ATP13A4: variants seen among roughly 807,000 people sequenced by gnomAD.
The protein encoded by ATP13A4 is ATPase 13A4, also known as probable cation-transporting ATPase 13A4.
ATP13A4 carries 114 observed loss-of-function variants against 142.5 expected under a neutral mutation model. That is an observed-to-expected ratio of 0.80 (90% CI 0.69 to 0.93). ATP13A4 has a LOEUF of 0.93. ATP13A4 is among the 40% of genes least tolerant of loss of function. ATP13A4 has a pLI of 0.00. For missense variants in ATP13A4, 1,392 were observed against 1,454.0 expected, an observed-to-expected ratio of 0.96 and a Z score of 0.69; for synonymous variants, 488 against 514.8, an observed-to-expected ratio of 0.95 and a Z score of 0.70.
At chr3:193,464,790 A>G (rs1173562129) in intron 12 of ATP13A4, 150 bp downstream of exon 12, 3 of 856,834 alleles carry the variant, frequency 3.5e-6, no homozygotes, top group Admixed American at 2.0e-5. Flanking sequence ...CAAGAGACAT[A>G]TCTTTCCCAG....
intron 25 of ATP13A4, among the ~76,000 whole-genome samples, chr3:193,431,241 A>T (rs765165361): frequency 2.0e-5 from 3 of 152,102 alleles, no homozygotes; most frequent in Non-Finnish European, 4.4e-5. Flanking sequence ...AGTAGCACAA[A>T]CTAGGGACTC....
At chr3:193,541,798 A>T (rs558240824) in intron 1 of ATP13A4, among the ~76,000 whole-genome samples, 1 of 152,160 alleles carries the variant, frequency 6.6e-6, no homozygotes, top group Non-Finnish European at 1.5e-5. Flanking sequence ...TAAATTTAAA[A>T]AGCAAAAATG....
At chr3:193,428,008 A>G (rs1715761159) in intron 25 of ATP13A4, among the ~76,000 whole-genome samples, 1 of 152,228 alleles carries the variant, frequency 6.6e-6, no homozygotes. Flanking sequence ...CAGGCAACCT[A>G]TACAATGGGA....
intron 23 of ATP13A4, among the ~76,000 whole-genome samples, chr3:193,437,103 C>CAAAAAAAAAA (rs1190025956): frequency 5.6e-4 from 35 of 62,828 alleles, no homozygotes; most frequent in African/African-American, 2.4e-3. Context: ...GACTCCGTCT[C>CAAAAAAAAAA]AAAAAAAAAA....
At chr3:193,493,512 T>C (rs1455535088) in intron 3 of ATP13A4, among the ~76,000 whole-genome samples, 1 of 151,708 alleles carries the variant, frequency 6.6e-6, no homozygotes, top group African/African-American at 2.4e-5. Context: ...CATAATAACA[T>C]AAAAAATACG....
rs528524423 is a variant in ATP13A4, at chr3:193,437,192, T to C, written c.2672+1283A>G. ...TGACATTTCCTCTGCCCAGAGGTAG[T>C]TTCTCCTTATTGCTTAGAGAGGTTC... is the stretch of plus-strand genomic sequence containing the variant. On this transcript the variant is annotated intron_variant, in intron 23 of 29. Coordinates refer to ENST00000342695, the MANE Select transcript of ATP13A4 (RefSeq NM_032279.4). 2.0e-5 allele frequency among the ~76,000 whole-genome samples: 3 copies of C among 149,930 alleles called. No homozygotes were observed. The East Asian group carries it at 5.9e-4, about 30-fold the overall frequency.
chr3:193,572,301 T>C (rs1724284401), intron 2 of ATP13A4, among the ~76,000 whole-genome samples: 1 of 152,186 alleles, frequency 6.6e-6, no homozygotes, highest in South Asian at 2.1e-4. Flanking sequence ...CTCTATCCTA[T>C]CTTCATAATT....
In ATP13A4 at chr3:193,493,153, C is replaced by T; in HGVS notation, c.389G>A (p.Cys130Tyr). 1 of 1,612,472 alleles carries T rather than the reference C, an allele frequency of 6.2e-7. No homozygotes were observed. ...AIRKPDLKVR[C>Y]IKVQKIRYVW... The stretch of plus-strand genomic sequence containing the variant: ...ATATCTTATTTTCTGCACTTTGATG[C>T]ATCTCACCTGCAAAAGAAAAGTACT... The change falls in exon 4 of 30, where the codon TGC becomes TAC. Residue 130 changes from cysteine to tyrosine, a missense_variant. Cys to Tyr is a radical substitution (Grantham distance 194). Coordinates refer to ENST00000342695, the MANE Select transcript of ATP13A4 (RefSeq NM_032279.4).
chr3:193,428,583 C>G (rs914067621), intron 25 of ATP13A4, among the ~76,000 whole-genome samples: 16 of 151,954 alleles, frequency 1.1e-4, no homozygotes, highest in African/African-American at 3.9e-4. Context: ...AAATGTGGCA[C>G]ATATATACCA....
At position 193,467,342 on chromosome 3, in the gene ATP13A4, G is replaced by A; in HGVS notation, c.1088C>T (p.Thr363Ile). 1.2e-6 allele frequency: 2 copies of A among 1,614,192 alleles called. No homozygotes were observed. Among genetic ancestry groups the A allele is most frequent in the Non-Finnish European group, 8.5e-7 (1 of 1,180,042 alleles). The change falls in exon 10 of 30, where the codon ACC becomes ATC. Residue 363 changes from threonine (T) to isoleucine (I), a missense_variant. By Grantham distance (89) the Thr-to-Ile change is moderately conservative. Coordinates refer to ENST00000342695, the MANE Select transcript of ATP13A4 (RefSeq NM_032279.4). ...AGTCTGCAGTACCACGGCTCTCACG[G>A]TCCCAGAGCAAGCTGCCTTGGCCTG... ...VIQAKAACSGTVRAVVLQTGF... is the reference protein window; with the variant it reads ...VIQAKAACSGIVRAVVLQTGF...
rs144465366 is a variant in ATP13A4, at chr3:193,548,584, T to G, written c.60+6156A>C. ...CCCACTATGAGATCTGTGGGTTCACTAGTTAACATTGGCAACTGACTCAGA... is the reference window on the plus strand; with the variant it reads ...CCCACTATGAGATCTGTGGGTTCACGAGTTAACATTGGCAACTGACTCAGA... On this transcript the variant is annotated intron_variant, in intron 1 of 29. Coordinates refer to ENST00000342695, the MANE Select transcript of ATP13A4 (RefSeq NM_032279.4). Among the ~76,000 whole-genome samples the G allele has an allele frequency of 3.3e-5, 5 of 152,340 alleles. No individual in the cohort carries two copies. The East Asian group carries it at 9.6e-4, about 29-fold the overall frequency.
At chr3:193,490,103 T>C (rs1221002948) in intron 6 of ATP13A4, among the ~76,000 whole-genome samples, 1 of 152,176 alleles carries the variant, frequency 6.6e-6, no homozygotes, top group Non-Finnish European at 1.5e-5. Context: ...TCCTTTGTAA[T>C]GATAAAGAAA....
At chr3:193,580,218 T>C (rs1724509025) in intron 2 of ATP13A4, among the ~76,000 whole-genome samples, 1 of 152,112 alleles carries the variant, frequency 6.6e-6, no homozygotes, top group Non-Finnish European at 1.5e-5. Context: ...CTACTGAAAG[T>C]GGATTAATTT....
chr3:193,483,557 C>T (rs926321007), intron 8 of ATP13A4, among the ~76,000 whole-genome samples: 8 of 152,078 alleles, frequency 5.3e-5, no homozygotes, highest in South Asian at 2.1e-4. Context: ...CTCCGCCTCC[C>T]GGGTTCATGC....
intron 12 of ATP13A4, among the ~76,000 whole-genome samples, chr3:193,464,402 C>T (rs1017457074): frequency 2.1e-4 from 32 of 152,108 alleles, no homozygotes; most frequent in Admixed American, 1.4e-3. Context: ...CGGTAGAATA[C>T]GAGGCTGGTT....
At chr3:193,552,093 C>T (rs971848186) in intron 1 of ATP13A4, among the ~76,000 whole-genome samples, 6 of 152,188 alleles carry the variant, frequency 3.9e-5, no homozygotes, top group Admixed American at 3.9e-4. Flanking sequence ...CCTGCCTCAG[C>T]CTCCCAAGTA....
At chr3:193,409,258 T>A (rs1264854579) in intron 28 of ATP13A4, among the ~76,000 whole-genome samples, 2 of 152,236 alleles carry the variant, frequency 1.3e-5, no homozygotes, top group Admixed American at 1.3e-4. Context: ...TTATAGTATA[T>A]GAATTGTAAA....
chr3:193,558,323 C>T (rs115340879), upstream of ATP13A4, among the ~76,000 whole-genome samples: 597 of 152,302 alleles, frequency 3.9e-3, 1 homozygote, highest in Non-Finnish European at 7.4e-3. Context: ...CTATACTCTA[C>T]GTGCCTCACG....
intron 2 of ATP13A4, among the ~76,000 whole-genome samples, chr3:193,573,286 TATAC>T (rs1724316471): frequency 1.2e-5 from 1 of 83,208 alleles, no homozygotes; most frequent in East Asian, 2.9e-4. Context: ...CATATATATA[TATAC>T]ACATATATAT....
Sources: allele counts gnomAD v4.1 joint callset (sites outside exome capture counted in the v4.1 genomes callset), GRCh38; gene constraint gnomAD v4.1.1; transcripts MANE v1.5; gene names NCBI Gene and HGNC (gene_info 2026-07-23, HGNC 2026-07-21).